ST18: variants seen among roughly 807,000 people sequenced by gnomAD.
ST18 encodes the protein suppression of tumorigenicity 18 protein.
Under a neutral mutation model 110.0 loss-of-function variants are expected in ST18, and 50 were observed. That is an observed-to-expected ratio of 0.45 (90% confidence interval 0.36 to 0.58). The LOEUF (loss-of-function observed/expected upper bound fraction) is 0.58, where lower values mean the gene tolerates loss of function less well. ST18 is among the 20% of genes least tolerant of loss of function. The probability of loss-of-function intolerance (pLI) is 0.00; values close to 1 mark genes in which losing one functional copy is unlikely to be tolerated. For synonymous variants in ST18, 461 were observed against 452.4 expected, an observed-to-expected ratio of 1.02 and a Z score of -0.24; for missense variants, 1,306 against 1,280.1, an observed-to-expected ratio of 1.02 and a Z score of -0.31.
At chr8:52,218,787 A>C (rs2085447798) in intron 5 of ST18, among the ~76,000 whole-genome samples, 2 of 151,884 alleles carry the variant, frequency 1.3e-5, no homozygotes, top group South Asian at 4.2e-4. Context: ...TCATCGCCTG[A>C]GATTTTTGAC....
chr8:52,372,822 G>A (rs1404009793), intron 2 of ST18, among the ~76,000 whole-genome samples: 2 of 152,116 alleles, frequency 1.3e-5, no homozygotes, highest in African/African-American at 4.8e-5. Flanking sequence ...TTCTCAAATC[G>A]TATCCCCATT....
intron 19 of ST18, among the ~76,000 whole-genome samples, chr8:52,135,675 C>T (rs1205810095): frequency 6.6e-6 from 1 of 151,356 alleles, no homozygotes; most frequent in Non-Finnish European, 1.5e-5. Flanking sequence ...ACTAAGATTC[C>T]AAATTTTCAT....
intron 2 of ST18, among the ~76,000 whole-genome samples, chr8:52,377,816 C>A (rs1050293871): frequency 1.3e-5 from 2 of 152,086 alleles, no homozygotes; most frequent in African/African-American, 4.8e-5. Context: ...TTTTTTGCAG[C>A]ACTATTCACA....
intron 15 of ST18, among the ~76,000 whole-genome samples, chr8:52,155,689 G>A (rs2059848277): frequency 6.6e-6 from 1 of 152,176 alleles, no homozygotes; most frequent in African/African-American, 2.4e-5. Context: ...TTTTTAGAGT[G>A]TGTAGGAAAT....
At chr8:52,343,375 A>T (rs1195159208) in intron 2 of ST18, among the ~76,000 whole-genome samples, 1 of 152,180 alleles carries the variant, frequency 6.6e-6, no homozygotes, top group Non-Finnish European at 1.5e-5. Flanking sequence ...ACTTTATATG[A>T]GGTGATCATA....
At chr8:52,305,860 T>C (rs1239603314) in intron 2 of ST18, among the ~76,000 whole-genome samples, 1 of 152,234 alleles carries the variant, frequency 6.6e-6, no homozygotes, top group African/African-American at 2.4e-5. Context: ...GCTTGCACCA[T>C]TGCCTCTTCA....
chr8:52,266,976 T>G (rs2094892248), intron 2 of ST18, among the ~76,000 whole-genome samples: 1 of 152,078 alleles, frequency 6.6e-6, no homozygotes, highest in African/African-American at 2.4e-5. Flanking sequence ...AGATTAAGCC[T>G]TAAGCTGGTG....
intron 2 of ST18, among the ~76,000 whole-genome samples, chr8:52,286,636 C>T (rs1016814207): frequency 6.6e-6 from 1 of 151,856 alleles, no homozygotes; most frequent in African/African-American, 2.4e-5. Context: ...ATATGGGTCA[C>T]CTCCATTTTG....
At chr8:52,323,250 C>T (rs1206118984) in intron 2 of ST18, among the ~76,000 whole-genome samples, 1 of 152,208 alleles carries the variant, frequency 6.6e-6, no homozygotes, top group Non-Finnish European at 1.5e-5. Flanking sequence ...CGTGATTTAA[C>T]CACAGATGTT....
chr8:52,389,654 C>A (rs764845818), intron 2 of ST18, among the ~76,000 whole-genome samples: 59 of 152,198 alleles, frequency 3.9e-4, no homozygotes, highest in Non-Finnish European at 5.9e-4. Flanking sequence ...AGAGCCCGCA[C>A]CTCTCCCACT....
intron 3 of ST18, among the ~76,000 whole-genome samples, chr8:52,224,673 A>G (rs1438534611): frequency 6.6e-6 from 1 of 152,244 alleles, no homozygotes; most frequent in Admixed American, 6.5e-5. Flanking sequence ...CTTTTAGGGA[A>G]GATGTTTCAG....
intron 2 of ST18, among the ~76,000 whole-genome samples, chr8:52,305,487 G>A (rs1589761593): frequency 6.6e-6 from 1 of 152,290 alleles, no homozygotes; most frequent in East Asian, 1.9e-4. Flanking sequence ...GCTCCTGCTT[G>A]GACCTCTTTT....
At chr8:52,194,493 G>A (rs996007646) in intron 8 of ST18, 1 of 152,108 alleles carries the variant, frequency 6.6e-6, no homozygotes, top group African/African-American at 2.4e-5. Context: ...TGTGTGTTAG[G>A]AGCATGCTCA....
chr8:52,259,845 C>G (rs1218927082), intron 2 of ST18, among the ~76,000 whole-genome samples: 1 of 152,200 alleles, frequency 6.6e-6, no homozygotes, highest in South Asian at 2.1e-4. Context: ...CCTACCAGAC[C>G]AGTAAAAACC....
At chr8:52,141,069 T>C (rs1312101552) in intron 17 of ST18, among the ~76,000 whole-genome samples, 1 of 152,198 alleles carries the variant, frequency 6.6e-6, no homozygotes, top group African/African-American at 2.4e-5. Context: ...TCCAGCATGT[T>C]TGGAACCATC....
At chr8:52,344,885 T>C (rs1816985474) in intron 2 of ST18, among the ~76,000 whole-genome samples, 2 of 152,342 alleles carry the variant, frequency 1.3e-5, no homozygotes, top group South Asian at 4.1e-4. Context: ...TAGCACTTTA[T>C]TTTATTATTT....
intron 2 of ST18, among the ~76,000 whole-genome samples, chr8:52,384,249 A>G (rs2140887460): frequency 6.6e-6 from 1 of 152,308 alleles, no homozygotes; most frequent in East Asian, 1.9e-4. Context: ...AGCAAAGGGA[A>G]AGCCTGATGT....
At position 52,113,050 on chromosome 8, in the gene ST18, T is replaced by A. The variant is rs887186734; in HGVS notation, c.*148A>T. The stretch of plus-strand genomic sequence containing the variant: ...TCATAGTTTTTCTTTCCTTTTTATA[T>A]CAGCTGGGGAAAATAAAATTAGTGC... On this transcript the variant is annotated 3_prime_UTR_variant, in exon 26 of 26. Coordinates refer to ENST00000689386, the MANE Select transcript of ST18 (RefSeq NM_001352837.2). 1 of 823,038 alleles carries A rather than the reference T, an allele frequency of 1.2e-6. No individual in the cohort carries two copies. The highest frequency in any genetic ancestry group is 1.7e-5 in the African/African-American group (1 of 57,188). The allele number at this position is 823,038 out of a possible 1,614,324, so 51.0% of individuals were successfully genotyped here.
intron 9 of ST18, among the ~76,000 whole-genome samples, chr8:52,175,764 G>A (rs1399297431): frequency 1.3e-5 from 2 of 152,140 alleles, no homozygotes; most frequent in African/African-American, 4.8e-5. Context: ...GGCCAGGCTT[G>A]CTCGAGACCA....
Sources: allele counts gnomAD v4.1 joint callset (sites outside exome capture counted in the v4.1 genomes callset), GRCh38; gene constraint gnomAD v4.1.1; transcripts MANE v1.5; gene names NCBI Gene and HGNC (gene_info 2026-07-23, HGNC 2026-07-21).